Variants in CAPN15 observed in about 807,000 individuals in gnomAD.
CAPN15 encodes the protein calpain-15.
In CAPN15, 53 loss-of-function variants were observed where a neutral mutation model predicts 97.9. That is an observed-to-expected ratio of 0.54 (90% CI 0.43 to 0.68). The LOEUF is 0.68. Among genes scored for constraint, CAPN15 ranks in the 30% least tolerant of loss-of-function variants. The pLI is 0.00. For synonymous variants in CAPN15, 922 were observed against 722.5 expected (o/e 1.28, Z -4.43); for missense variants, 1,592 against 1,589.8 (o/e 1.00, Z -0.02).
At chr16:538,992 G>A (rs1430024208) in intron 3 of CAPN15, 1 of 151,466 alleles carries the variant, frequency 6.6e-6, no homozygotes, top group Non-Finnish European at 1.5e-5. Flanking sequence ...TGCAGCTGTG[G>A]TGCTCACGCC....
At chr16:534,022 G>C (rs1042322928) in intron 2 of CAPN15, 24 bp downstream of exon 2, 1 of 983,114 alleles carries the variant, frequency 1.0e-6, no homozygotes, top group Non-Finnish European at 1.2e-6. Context: ...CAAGCCCTGC[G>C]GCTCGTTTAT....
At chr16:541,801 C>T (rs552770125) in intron 3 of CAPN15, among the ~76,000 whole-genome samples, 1 of 152,380 alleles carries the variant, frequency 6.6e-6, no homozygotes, top group East Asian at 1.9e-4. Context: ...CACTGACCGG[C>T]TTCCTGTCTT....
At chr16:528,363 C>T (rs1023832918) in intron 1 of CAPN15, among the ~76,000 whole-genome samples, 2 of 152,240 alleles carry the variant, frequency 1.3e-5, no homozygotes, top group African/African-American at 4.8e-5. Context: ...GGCCTCGGCC[C>T]TGCCTGCCCT....
Position 553,602 on chromosome 16 carries a change from T to C in CAPN15, c.*86T>C. The C allele has an allele frequency of 4.9e-6, 4 of 823,284 alleles. No homozygotes were observed. The highest frequency in any genetic ancestry group is 5.4e-6 in the Non-Finnish European group (3 of 558,714). The allele number at this position is 823,284 out of a possible 1,614,324, so 51.0% of individuals were successfully genotyped here. A position where few individuals can be genotyped will look rare whatever the true frequency, so the allele number is the denominator to read the frequency against. Reference sequence around the variant, plus strand: ...TGAGGGAGACCCCGACAGAGGACGCTTGAGCCAGAATCTCAGGACCCCGCC... The same window carrying C: ...TGAGGGAGACCCCGACAGAGGACGCCTGAGCCAGAATCTCAGGACCCCGCC... On this transcript the variant is annotated 3_prime_UTR_variant, in exon 14 of 14. Transcript: ENST00000219611.
Position 533,933 on chromosome 16 carries a change from C to A in CAPN15, c.-189-13C>A. 3.0e-6 allele frequency: 3 copies of A among 985,120 alleles called. No homozygotes were observed. Among genetic ancestry groups the A allele is most frequent in the Non-Finnish European group, 2.4e-6 (2 of 829,638 alleles). The allele number at this position is 985,120 out of a possible 1,614,324, so 61.0% of individuals were successfully genotyped here. On this transcript the variant is annotated splice_polypyrimidine_tract_variant and intron_variant, in intron 1 of 13. Transcript: ENST00000219611. The stretch of plus-strand genomic sequence containing the variant: ...GGAAGCTGAGGTGCCTGATTAAATG[C>A]CTCCCTTTCTAGGCAGCAGCCCAGA...
At chr16:534,224 G>T (rs1447775391) in intron 2 of CAPN15, among the ~76,000 whole-genome samples, 2 of 152,274 alleles carry the variant, frequency 1.3e-5, no homozygotes, top group Non-Finnish European at 2.9e-5. Context: ...GCGGCCCGGG[G>T]TCCCGACAGG....
Position 548,436 on chromosome 16 carries a change from C to T in CAPN15, c.1449+149C>T, listed in dbSNP as rs1369814392. The stretch of plus-strand genomic sequence containing the variant: ...GGCAGCACCCTCCGCCCCGAGGCTC[C>T]AAGCTCCCAATGGCCCTGGGGTCCA... On this transcript the variant is annotated intron_variant, in intron 4 of 13. Transcript: ENST00000219611. 3 of 822,816 alleles carry T rather than the reference C, an allele frequency of 3.6e-6. No individual in the cohort carries two copies. The East Asian group carries it at 9.3e-5, about 25-fold the overall frequency. 51.0% of individuals were successfully genotyped at this position (822,816 alleles called of 1,614,324 possible).
chr16:550,576 C>T (rs2034917813), intron 7 of CAPN15, among the ~76,000 whole-genome samples: 1 of 151,086 alleles, frequency 6.6e-6, no homozygotes, highest in South Asian at 2.1e-4. Context: ...CCCGCTCAGC[C>T]ATGCCCCCAG....
intron 3 of CAPN15, chr16:537,556 C>A: frequency 1.8e-6 from 1 of 543,724 alleles, no homozygotes; most frequent in Non-Finnish European, 2.3e-6. Context: ...CCAGTGCAAG[C>A]AGCTTCTGTC....
Position 552,175 on chromosome 16 carries a change from G to A in CAPN15, c.2470G>A (p.Ala824Thr), listed in dbSNP as rs763566668. 1.9e-4 allele frequency: 287 copies of A among 1,540,612 alleles called. 2 individuals carry two copies. In the Admixed American group the frequency reaches 4.8e-3, roughly 26 times the overall value. ...AACAGCGCTCACGGTGCTGGAGCGG[G>A]CCTCGCTGGAGTTCGCGCTCTTCCA... The part of the protein sequence containing the change: ...GVTALTVLER[A>T]SLEFALFQEG... The change falls in exon 10 of 14, where the codon GCC becomes ACC. Residue 824 changes from alanine (A) to threonine (T), a missense_variant. Transcript: ENST00000219611. The surrounding 1 kb of genome is among the most constrained non-coding windows in gnomAD (Gnocchi z 6.4).
At position 550,319 on chromosome 16, in the gene CAPN15, C is replaced by T. The variant is rs556805486; in HGVS notation, c.2066+481C>T. On this transcript the variant is annotated intron_variant, in intron 7 of 13. Coordinates refer to ENST00000219611, the MANE Select transcript of CAPN15 (RefSeq NM_005632.3). Reference sequence around the variant, plus strand: ...CTGGGCAGTGCTGCTGCCCACCCCCCACCCGCCCGGGAGCCACAGAGCCCA... The same window carrying T: ...CTGGGCAGTGCTGCTGCCCACCCCCTACCCGCCCGGGAGCCACAGAGCCCA... Among the ~76,000 whole-genome samples the T allele has an allele frequency of 3.3e-5, 5 of 152,220 alleles. No homozygotes were observed. In the South Asian group the frequency reaches 1.0e-3, roughly 31 times the overall value.
rs1215037038 is a variant in CAPN15, at chr16:552,696, G to A, written c.2829G>A (p.Glu943=). Residue 943 remains glutamate (E), a synonymous_variant, in exon 12 of 14, where the codon GAG becomes GAA. Coordinates refer to ENST00000219611, the MANE Select transcript of CAPN15 (RefSeq NM_005632.3). The surrounding 1 kb of genome is among the most constrained non-coding windows in gnomAD (Gnocchi z 6.4). The stretch of plus-strand genomic sequence containing the variant: ...ACAGCTCGAGGCTGGTCATGGTGGA[G>A]CCCGTGGAAGCCCAGCCGACCACGC... ...AVYSSRLVMV[E]PVEAQPTTLA... is the part of the protein sequence containing the mutation. The A allele has an allele frequency of 6.5e-7, 1 of 1,544,168 alleles. No individual in the cohort carries two copies. The highest frequency in any genetic ancestry group is 2.0e-5 in the Admixed American group (1 of 50,954).
intron 1 of CAPN15, among the ~76,000 whole-genome samples, chr16:531,576 G>A (rs2033258645): frequency 6.6e-6 from 1 of 152,224 alleles, no homozygotes; most frequent in African/African-American, 2.4e-5. Context: ...GCCTCCTCTG[G>A]GTTAGGGCCA....
chr16:536,979 C>T (rs927692531), intron 3 of CAPN15: 2 of 280,754 alleles, frequency 7.1e-6, no homozygotes, highest in African/African-American at 2.3e-5. Flanking sequence ...CCCGGCACCC[C>T]TCACGGGGCT....
At chr16:537,545 C>T (rs1171983385) in intron 3 of CAPN15, 2 of 650,070 alleles carry the variant, frequency 3.1e-6, no homozygotes, top group African/African-American at 3.9e-5. Flanking sequence ...CAGCTCAGGG[C>T]CCAGTGCAAG....
chr16:541,356 G>A (rs918174129), intron 3 of CAPN15, among the ~76,000 whole-genome samples: 4 of 152,206 alleles, frequency 2.6e-5, no homozygotes, highest in Admixed American at 6.5e-5. Context: ...AGGGAGACGC[G>A]GCAGAGGCAG....
chr16:547,743 C>T lies in CAPN15; in HGVS notation c.905C>T (p.Ala302Val), dbSNP rs2034695008. ...GKRLSVLEEEATEGGTSRVEA... is the reference protein window; with the variant it reads ...GKRLSVLEEEVTEGGTSRVEA... ...CGGCTGAGTGTGCTGGAGGAAGAGG[C>T]CACGGAGGGTGGCACCAGCCGCGTA... The change falls in exon 4 of 14, where the codon GCC (alanine) becomes GTC (valine). Residue 302 changes from alanine to valine, a missense_variant. Physicochemically the swap from Ala to Val is moderately conservative, Grantham distance 64. Transcript: ENST00000219611. The T allele has an allele frequency of 6.2e-7, 1 of 1,606,164 alleles. No homozygotes were observed. The highest frequency in any genetic ancestry group is 1.1e-5 in the South Asian group (1 of 90,494).
chr16:534,806 A>AC (rs1456559808), intron 2 of CAPN15, among the ~76,000 whole-genome samples: 2 of 151,624 alleles, frequency 1.3e-5, no homozygotes, highest in Non-Finnish European at 2.9e-5. Context: ...TGCCCCCCAC[A>AC]CCCCCAGCTC....
intron 1 of CAPN15, among the ~76,000 whole-genome samples, chr16:532,098 G>C (rs893188596): frequency 4.6e-5 from 7 of 152,034 alleles, no homozygotes; most frequent in Admixed American, 2.0e-4. Flanking sequence ...AAATTAGCTG[G>C]GTGTGGTGGT....
Sources: allele counts gnomAD v4.1 joint callset (sites outside exome capture counted in the v4.1 genomes callset), GRCh38; gene constraint gnomAD v4.1.1; non-coding constraint Gnocchi (gnomAD v3.1); transcripts MANE v1.5; gene names NCBI Gene and HGNC (gene_info 2026-07-23, HGNC 2026-07-21).